The following NCK2 variants were observed in gnomAD, a reference collection of about 807,000 sequenced individuals.
NCK2 encodes NCK adaptor protein 2.
Under a neutral mutation model 33.9 loss-of-function variants are expected in NCK2, and 16 were observed. That is an observed-to-expected ratio of 0.47 (90% confidence interval 0.32 to 0.72). The LOEUF is 0.72. Ranked by LOEUF, NCK2 falls within the 30% of genes least tolerant of loss-of-function variation. The pLI, the probability that NCK2 is intolerant of heterozygous loss-of-function variation, is 0.03. For synonymous variants in NCK2, 273 were observed against 239.9 expected (o/e 1.14, Z -1.27); for missense variants, 418 against 537.3 (o/e 0.78, Z 2.19).
At chr2:105,807,942 T>C (rs1311082301) in intron 1 of NCK2, among the ~76,000 whole-genome samples, 4 of 150,572 alleles carry the variant, frequency 2.7e-5, no homozygotes, top group African/African-American at 9.8e-5. Context: ...TCTCCCTCTG[T>C]TGCCAGGCTG....
At chr2:105,767,081 A>C (rs74887086) in intron 1 of NCK2, among the ~76,000 whole-genome samples, 1 of 152,084 alleles carries the variant, frequency 6.6e-6, no homozygotes. Context: ...CACACACACC[A>C]GTGCTGGGTT....
chr2:105,872,492 T>C (rs138833244), intron 3 of NCK2, among the ~76,000 whole-genome samples: 503 of 152,290 alleles, frequency 3.3e-3, no homozygotes, highest in African/African-American at 0.012. Context: ...GACCTCCTCC[T>C]CTTTATTGCG....
At chr2:105,860,598 C>G (rs941154740) in intron 3 of NCK2, among the ~76,000 whole-genome samples, 1 of 152,020 alleles carries the variant, frequency 6.6e-6, no homozygotes, top group African/African-American at 2.4e-5. Context: ...GTGCACAGGA[C>G]TCAAGCATCT....
intron 3 of NCK2, among the ~76,000 whole-genome samples, chr2:105,873,746 A>C (rs1678120146): frequency 6.6e-6 from 1 of 152,232 alleles, no homozygotes; most frequent in Non-Finnish European, 1.5e-5. Flanking sequence ...AAGTTGGCTC[A>C]GATGATTGGG....
intron 4 of NCK2, among the ~76,000 whole-genome samples, chr2:105,884,235 T>C (rs980758939): frequency 6.7e-5 from 10 of 149,594 alleles, no homozygotes; most frequent in Non-Finnish European, 1.2e-4. Flanking sequence ...TTGCTTGTTT[T>C]TTTCCCACCA....
chr2:105,853,804 A>C (rs985748770), intron 2 of NCK2: 2 of 152,196 alleles, frequency 1.3e-5, no homozygotes, highest in Admixed American at 6.5e-5. Context: ...TGGGTGGAAA[A>C]TTACTAAGAG....
At chr2:105,803,953 C>T (rs1271773093) in intron 1 of NCK2, among the ~76,000 whole-genome samples, 2 of 152,150 alleles carry the variant, frequency 1.3e-5, no homozygotes, top group East Asian at 3.9e-4. Context: ...TACCATGTGC[C>T]TTGTGAGTTG....
chr2:105,748,570 TTTTTTATTTTTA>T (rs930794085), intron 1 of NCK2, among the ~76,000 whole-genome samples: 5 of 151,950 alleles, frequency 3.3e-5, no homozygotes, highest in South Asian at 4.1e-4. Flanking sequence ...CTCAGTGAAT[TTTTTTATTTTTA>T]TTTTTATTTT....
At chr2:105,821,972 C>A (rs545628985) in intron 2 of NCK2, among the ~76,000 whole-genome samples, 2 of 151,700 alleles carry the variant, frequency 1.3e-5, no homozygotes, top group Admixed American at 1.3e-4. Context: ...TGGTAACGAC[C>A]CATTCTCCAA....
intron 4 of NCK2, 62 bp downstream of exon 4, chr2:105,882,111 T>C: frequency 7.0e-7 from 1 of 1,433,162 alleles, no homozygotes; most frequent in Non-Finnish European, 9.2e-7. Context: ...GCGGTGGGTC[T>C]GTGTGCCGCG....
chr2:105,793,154 C>G (rs116325439), intron 1 of NCK2, among the ~76,000 whole-genome samples: 1 of 152,256 alleles, frequency 6.6e-6, no homozygotes, highest in Non-Finnish European at 1.5e-5. Flanking sequence ...TGGGAAGCCA[C>G]AGATGTAGGA....
At chr2:105,780,261 C>G (rs1254162335) in intron 1 of NCK2, among the ~76,000 whole-genome samples, 1 of 151,388 alleles carries the variant, frequency 6.6e-6, no homozygotes, top group Admixed American at 6.6e-5. Context: ...TAAGTTGGGA[C>G]CTGATAGTCA....
intron 4 of NCK2, among the ~76,000 whole-genome samples, chr2:105,882,854 T>TG (rs2104666177): frequency 6.6e-6 from 1 of 152,346 alleles, no homozygotes; most frequent in Non-Finnish European, 1.5e-5. Flanking sequence ...AGATAGAGTT[T>TG]AATGTATTTG....
At chr2:105,818,985 T>G (rs1288783645) in intron 2 of NCK2, among the ~76,000 whole-genome samples, 1 of 152,184 alleles carries the variant, frequency 6.6e-6, no homozygotes, top group African/African-American at 2.4e-5. Context: ...GCAATAAGGA[T>G]AGGATTAAGT....
Position 105,881,823 on chromosome 2 carries a change from G to T in NCK2, c.722G>T (p.Arg241Leu). The T allele has an allele frequency of 1.9e-6, 3 of 1,607,136 alleles. No individual in the cohort carries two copies. The highest frequency in any genetic ancestry group is 2.6e-6 in the Non-Finnish European group (3 of 1,175,996). Residue 241 changes from arginine (R) to leucine (L), a missense_variant, in exon 4 of 5, where the codon CGG becomes CTG. Arg to Leu is a moderately radical substitution (Grantham distance 102). Transcript: ENST00000233154. Reference sequence around the variant, plus strand: ...GAGTGGTGGAAATGCAAAAATGCCCGGGGCCAGGTGGGCCTCGTCCCCAAA... The same window carrying T: ...GAGTGGTGGAAATGCAAAAATGCCCTGGGCCAGGTGGGCCTCGTCCCCAAA... ...DPEWWKCKNA[R>L]GQVGLVPKNY...
chr2:105,753,884 G>C (rs1573552977), intron 1 of NCK2, among the ~76,000 whole-genome samples: 1 of 152,170 alleles, frequency 6.6e-6, no homozygotes, highest in African/African-American at 2.4e-5. Flanking sequence ...GGTTGTGAGA[G>C]AGGCCAGGTC....
intron 2 of NCK2, among the ~76,000 whole-genome samples, chr2:105,844,633 G>A (rs1401821952): frequency 6.6e-6 from 1 of 150,480 alleles, no homozygotes; most frequent in East Asian, 1.9e-4. Context: ...AGCTACTCGG[G>A]AGGGTGAGGC....
At chr2:105,799,787 T>A (rs1674748568) in intron 1 of NCK2, among the ~76,000 whole-genome samples, 1 of 152,178 alleles carries the variant, frequency 6.6e-6, no homozygotes, top group Non-Finnish European at 1.5e-5. Context: ...TAGATCCATT[T>A]CAAGAAGCCA....
chr2:105,845,309 A>C (rs923353626), intron 2 of NCK2, among the ~76,000 whole-genome samples: 1 of 152,224 alleles, frequency 6.6e-6, no homozygotes, highest in Non-Finnish European at 1.5e-5. Context: ...CGTGAGTAAC[A>C]AGGTGGCAAG....
Sources: gnomAD v4.1 joint callset for allele counts (sites outside exome capture counted in the v4.1 genomes callset) on GRCh38, gnomAD v4.1.1 for gene constraint, MANE v1.5 for transcripts, NCBI Gene and HGNC (gene_info 2026-07-23, HGNC 2026-07-21) for gene names.